IHO1: variants seen among roughly 807,000 people sequenced by gnomAD.
The protein encoded by IHO1 is interactor of HORMAD1 1, also known as interactor of HORMAD1 protein 1.
In IHO1, 13 loss-of-function variants were observed where a neutral mutation model predicts 31.0. The ratio of observed to expected loss-of-function variants is 0.42; its 90% CI spans 0.27 to 0.67. IHO1 has a LOEUF of 0.67. IHO1 is among the 30% of genes least tolerant of loss of function. The pLI is 0.24. For missense variants in IHO1, 599 were observed against 687.5 expected, an observed-to-expected ratio of 0.87 and a Z score of 1.44; for synonymous variants, 221 against 248.4, an observed-to-expected ratio of 0.89 and a Z score of 1.04.
the IHO1 span, among the ~76,000 whole-genome samples, chr3:49,192,293 A>T: frequency 6.6e-6 from 1 of 152,230 alleles, no homozygotes; most frequent in Non-Finnish European, 1.5e-5. Context: ...GTGAAATGTT[A>T]CAAGGGCCAA....
At chr3:49,228,609 C>T (rs1481328895) in intron 2 of IHO1, among the ~76,000 whole-genome samples, 2 of 152,122 alleles carry the variant, frequency 1.3e-5, no homozygotes, top group African/African-American at 4.8e-5. Flanking sequence ...TGTGGACCTT[C>T]GCGATGAGTG....
upstream of IHO1, among the ~76,000 whole-genome samples, chr3:49,196,480 G>T (rs1336535092): frequency 6.8e-6 from 1 of 146,754 alleles, no homozygotes; most frequent in African/African-American, 2.5e-5. Context: ...CACCACGCCC[G>T]GCTATTTTTT....
chr3:49,241,660 C>T (rs1296001884), intron 4 of IHO1, among the ~76,000 whole-genome samples: 2 of 151,528 alleles, frequency 1.3e-5, no homozygotes, highest in African/African-American at 4.8e-5. Context: ...CTTGCTCTGT[C>T]GCCAGGCTGG....
chr3:49,238,508 T>C (rs1368305720), intron 3 of IHO1, among the ~76,000 whole-genome samples: 1 of 152,162 alleles, frequency 6.6e-6, no homozygotes, highest in Non-Finnish European at 1.5e-5. Context: ...TGAAAGGGGA[T>C]TGGCCAGTTT....
At chr3:49,241,608 G>A (rs1483839670) in intron 4 of IHO1, among the ~76,000 whole-genome samples, 1 of 151,528 alleles carries the variant, frequency 6.6e-6, no homozygotes, top group African/African-American at 2.4e-5. Context: ...GAGAAAGAGG[G>A]AGAGAGAGAA....
rs113425200 is a variant in IHO1, at chr3:49,202,495, TTGTGTG to T, written c.-16+2968_-16+2973del. Among the ~76,000 whole-genome samples the T allele has an allele frequency of 8.3e-3, 1,073 of 129,958 alleles. 14 individuals are homozygous for T. The highest frequency in any genetic ancestry group is 0.021 in the African/African-American group (664 of 31,934). The allele number at this position is 129,958 out of a possible 152,430, so 85.3% of individuals were successfully genotyped here. A position where few individuals can be genotyped will look rare whatever the true frequency, so the allele number is the denominator to read the frequency against. On this transcript the variant is annotated intron_variant, in intron 1 of 7. Coordinates refer to ENST00000452691, the MANE Select transcript of IHO1 (RefSeq NM_001135197.2). ...TGCCTGACACCATGCCCGGCTAATT[TTGTGTG>T]TGTGTGTGTGTGTGTGTGTGTGTGT...
chr3:49,202,148 A>G (rs766607280), intron 1 of IHO1, among the ~76,000 whole-genome samples: 7 of 152,064 alleles, frequency 4.6e-5, no homozygotes, highest in Non-Finnish European at 5.9e-5. Context: ...AAACATGGAT[A>G]TCTGTAGAGA....
chr3:49,225,347 C>G (rs141045177), intron 2 of IHO1, among the ~76,000 whole-genome samples: 95 of 152,098 alleles, frequency 6.2e-4, no homozygotes, highest in Non-Finnish European at 1.2e-3. Context: ...CCTGTAATCC[C>G]AGCCACTCAG....
chr3:49,207,706 A>G (rs1320718547), intron 1 of IHO1, among the ~76,000 whole-genome samples: 1 of 152,122 alleles, frequency 6.6e-6, no homozygotes, highest in Non-Finnish European at 1.5e-5. Context: ...AAACGTTTAA[A>G]AATTTCTAGC....
At chr3:49,193,948 T>G, upstream of IHO1, among the ~76,000 whole-genome samples, 1 of 125,750 alleles carries the variant, frequency 8.0e-6, no homozygotes, top group African/African-American at 3.1e-5. Context: ...GGTGACGGAG[T>G]GAGAATCCAT....
At chr3:49,209,521 G>A (rs111254093) in intron 1 of IHO1, among the ~76,000 whole-genome samples, 22 of 151,554 alleles carry the variant, frequency 1.5e-4, no homozygotes, top group African/African-American at 4.8e-4. Context: ...CTGTAATTGC[G>A]GCTACTCAGG....
intron 1 of IHO1, among the ~76,000 whole-genome samples, chr3:49,204,493 C>A (rs1330584544): frequency 6.6e-6 from 1 of 152,030 alleles, no homozygotes; most frequent in Admixed American, 6.6e-5. Context: ...GTGAAGGGAT[C>A]CCCCCAAAAT....
chr3:49,220,168 C>A (rs2046336466), intron 2 of IHO1, among the ~76,000 whole-genome samples: 1 of 152,218 alleles, frequency 6.6e-6, no homozygotes, highest in African/African-American at 2.4e-5. Context: ...ATACACCCCA[C>A]AGATCAACAG....
intron 2 of IHO1, among the ~76,000 whole-genome samples, chr3:49,219,936 G>A (rs2046333380): frequency 1.3e-5 from 2 of 152,206 alleles, no homozygotes; most frequent in Non-Finnish European, 2.9e-5. Flanking sequence ...AAGTGGCAAA[G>A]GAGGAAGAGT....
intron 6 of IHO1, among the ~76,000 whole-genome samples, chr3:49,251,326 G>A (rs1319525484): frequency 3.5e-5 from 5 of 141,868 alleles, no homozygotes; most frequent in Non-Finnish European, 6.1e-5. Context: ...TCTCTCTGTC[G>A]CCAGGCTGGA....
At position 49,210,491 on chromosome 3, in the gene IHO1, C is replaced by T. The variant is rs556865110; in HGVS notation, c.-15-1275C>T. Among the ~76,000 whole-genome samples, 4 of 150,036 alleles carry T rather than the reference C, an allele frequency of 2.7e-5. No individual in the cohort carries two copies. The East Asian group carries it at 8.0e-4, about 30-fold the overall frequency. Reference sequence around the variant, plus strand: ...TGGCTCACTGCAACCTCTGCCTCCCCGGTTCCAGTGATTCTCCTCCTCAAC... The same window carrying T: ...TGGCTCACTGCAACCTCTGCCTCCCTGGTTCCAGTGATTCTCCTCCTCAAC... On this transcript the variant is annotated intron_variant, in intron 1 of 7. Coordinates refer to ENST00000452691, the MANE Select transcript of IHO1 (RefSeq NM_001135197.2).
At chr3:49,235,389 G>A (rs1426960102) in intron 2 of IHO1, among the ~76,000 whole-genome samples, 2 of 151,176 alleles carry the variant, frequency 1.3e-5, no homozygotes, top group Non-Finnish European at 2.9e-5. Flanking sequence ...ATCAGGCCTG[G>A]CTAATTTTTT....
chr3:49,238,441 C>T (rs954507518), intron 3 of IHO1, among the ~76,000 whole-genome samples: 5 of 152,072 alleles, frequency 3.3e-5, no homozygotes, highest in African/African-American at 4.8e-5. Flanking sequence ...TCAGCGGATT[C>T]GCATCCAAAA....
intron 2 of IHO1, among the ~76,000 whole-genome samples, chr3:49,221,737 T>G (rs954285395): frequency 3.9e-5 from 6 of 152,194 alleles, no homozygotes; most frequent in Admixed American, 6.5e-5. Context: ...ATCTATAGAC[T>G]GATGGCCTCG....
Sources: allele counts gnomAD v4.1 joint callset (sites outside exome capture counted in the v4.1 genomes callset), GRCh38; gene constraint gnomAD v4.1.1; transcripts MANE v1.5; gene names NCBI Gene and HGNC (gene_info 2026-07-23, HGNC 2026-07-21).